The following GPC5 variants were observed in gnomAD, a reference collection of about 807,000 sequenced individuals.
The protein encoded by GPC5 is glypican-5.
A neutral mutation model predicts 53.9 loss-of-function variants in GPC5; 47 were observed. That is an observed-to-expected ratio of 0.87 (90% CI 0.69 to 1.11). GPC5 has a LOEUF of 1.11. Among genes scored for constraint, GPC5 ranks in the 50% most tolerant of loss-of-function variants. The pLI is 0.00. For missense variants in GPC5, 748 were observed against 713.1 expected (o/e 1.05, Z -0.56); for synonymous variants, 286 against 263.3 (o/e 1.09, Z -0.84).
intron 2 of GPC5, among the ~76,000 whole-genome samples, chr13:91,580,195 C>T (rs1010076942): frequency 1.2e-4 from 19 of 152,084 alleles, no homozygotes; most frequent in East Asian, 1.9e-4. Flanking sequence ...GGACTACAGG[C>T]GCCTGCCACC....
chr13:92,362,383 A>T (rs2043575247), intron 7 of GPC5, among the ~76,000 whole-genome samples: 1 of 151,808 alleles, frequency 6.6e-6, no homozygotes, highest in African/African-American at 2.4e-5. Context: ...CTTTTGATAA[A>T]GGGTTAAAAG....
chr13:91,511,355 T>C (rs1349155346), intron 2 of GPC5, among the ~76,000 whole-genome samples: 2 of 152,196 alleles, frequency 1.3e-5, no homozygotes, highest in Admixed American at 6.5e-5. Flanking sequence ...ATATGTCCAT[T>C]ATTTGGCTTC....
In GPC5 at chr13:92,146,876, A is replaced by G. The variant is rs544699383; in HGVS notation, c.1561+1887A>G. 9.2e-5 allele frequency among the ~76,000 whole-genome samples: 14 copies of G among 152,138 alleles called. No individual in the cohort carries two copies. In the South Asian group the frequency reaches 2.1e-3, roughly 22 times the overall value. On this transcript the variant is annotated intron_variant, in intron 7 of 7. Coordinates refer to ENST00000377067, the MANE Select transcript of GPC5 (RefSeq NM_004466.6). ...ATGGCTGAATAGTATTCCATGATAT[A>G]TATATATACCACAGTTTCTTTATCC... is the stretch of plus-strand genomic sequence containing the variant.
rs191646564 is a variant in GPC5, at chr13:92,307,408, C to T, written c.1561+162419C>T. 3.9e-3 allele frequency among the ~76,000 whole-genome samples: 600 copies of T among 152,200 alleles called. 4 individuals are homozygous for T. Among genetic ancestry groups the T allele is most frequent in the African/African-American group, 0.013 (548 of 41,540 alleles). On this transcript the variant is annotated intron_variant, in intron 7 of 7. Coordinates refer to ENST00000377067, the MANE Select transcript of GPC5 (RefSeq NM_004466.6). ...GGCAGAGGTTGCAGTGAGCCGAGAT[C>T]GTGCCATGGCACTCCAGCCTGGGCA...
At chr13:92,216,119 T>G (rs1360388) in intron 7 of GPC5, among the ~76,000 whole-genome samples, 5,932 of 152,276 alleles carry the variant, frequency 0.039, 390 homozygotes, top group African/African-American at 0.13. Context: ...GGGCAGTTCT[T>G]CCAGACCAGT....
At chr13:91,969,628 A>C (rs191284837) in intron 6 of GPC5, among the ~76,000 whole-genome samples, 1 of 152,312 alleles carries the variant, frequency 6.6e-6, no homozygotes, top group Non-Finnish European at 1.5e-5. Context: ...ATATCTAGGG[A>C]CTCTCAATTT....
intron 7 of GPC5, among the ~76,000 whole-genome samples, chr13:92,661,529 A>G (rs557489712): frequency 1.3e-5 from 2 of 152,206 alleles, no homozygotes; most frequent in Admixed American, 6.5e-5. Flanking sequence ...ATATTTTATA[A>G]AAGAATTTTA....
At chr13:92,506,805 T>C (rs1880384853) in intron 7 of GPC5, among the ~76,000 whole-genome samples, 1 of 152,188 alleles carries the variant, frequency 6.6e-6, no homozygotes, top group African/African-American at 2.4e-5. Context: ...TTTATTACCA[T>C]AGCCTGTCGC....
chr13:92,798,574 G>A (rs1026608722), intron 7 of GPC5, among the ~76,000 whole-genome samples: 6 of 151,762 alleles, frequency 4.0e-5, no homozygotes, highest in Non-Finnish European at 5.9e-5. Context: ...AAAATTTCAA[G>A]GCATTCAGAT....
chr13:92,594,382 T>G (rs1178140007), intron 7 of GPC5, among the ~76,000 whole-genome samples: 1 of 152,188 alleles, frequency 6.6e-6, no homozygotes, highest in Admixed American at 6.5e-5. Context: ...AAATGTGCAG[T>G]GCCTTACTGA....
chr13:92,486,126 T>C (rs946115325), intron 7 of GPC5, among the ~76,000 whole-genome samples: 2 of 152,178 alleles, frequency 1.3e-5, no homozygotes, highest in Admixed American at 1.3e-4. Context: ...TTCTGTATTG[T>C]CTCCCTAAAG....
At chr13:92,668,162 A>G (rs1420555263) in intron 7 of GPC5, among the ~76,000 whole-genome samples, 1 of 152,200 alleles carries the variant, frequency 6.6e-6, no homozygotes, top group Non-Finnish European at 1.5e-5. Flanking sequence ...AATATATTTC[A>G]TTATGGAAAA....
At position 91,847,877 on chromosome 13, in the gene GPC5, G is replaced by A. The variant is rs983898460; in HGVS notation, c.1281-60060G>A. Among the ~76,000 whole-genome samples, 3 of 151,984 alleles carry A rather than the reference G, an allele frequency of 2.0e-5. No individual in the cohort carries two copies. The East Asian group carries it at 5.8e-4, about 29-fold the overall frequency. On this transcript the variant is annotated intron_variant, in intron 5 of 7. Coordinates refer to ENST00000377067, the MANE Select transcript of GPC5 (RefSeq NM_004466.6). ...TTTAGTGACCATAAATCTAATTTTT[G>A]AAGAATATTATTTATGGTCTTATAG...
intron 7 of GPC5, among the ~76,000 whole-genome samples, chr13:92,657,685 C>T (rs904861076): frequency 4.2e-5 from 6 of 142,058 alleles, no homozygotes; most frequent in Non-Finnish European, 6.0e-5. Context: ...TCAGTAGCAT[C>T]AACATTAGTA....
intron 7 of GPC5, among the ~76,000 whole-genome samples, chr13:92,766,327 A>G (rs1020811953): frequency 6.6e-6 from 1 of 152,110 alleles, no homozygotes; most frequent in Admixed American, 6.5e-5. Context: ...GATCTTTCAT[A>G]AAAACCAAAC....
intron 7 of GPC5, among the ~76,000 whole-genome samples, chr13:92,407,322 A>G (rs1000996012): frequency 5.9e-5 from 9 of 152,198 alleles, no homozygotes; most frequent in African/African-American, 2.2e-4. Flanking sequence ...TCTTTAAAGG[A>G]AAAGCCAACA....
At chr13:92,643,676 A>G (rs1885668296) in intron 7 of GPC5, among the ~76,000 whole-genome samples, 1 of 146,116 alleles carries the variant, frequency 6.8e-6, no homozygotes, top group South Asian at 2.2e-4. Context: ...GAATTGAACA[A>G]TGAGATCACA....
chr13:91,662,192 G>A (rs182433801), intron 2 of GPC5, among the ~76,000 whole-genome samples: 1 of 152,304 alleles, frequency 6.6e-6, no homozygotes, highest in Admixed American at 6.5e-5. Flanking sequence ...AGCCAAAGAG[G>A]CTGAGAAAAA....
intron 2 of GPC5, among the ~76,000 whole-genome samples, chr13:91,485,497 C>T (rs937570182): frequency 6.6e-6 from 1 of 152,202 alleles, no homozygotes; most frequent in Non-Finnish European, 1.5e-5. Context: ...GGATTACAGG[C>T]GTGAGCCACT....
Sources: gnomAD v4.1 joint callset for allele counts (sites outside exome capture counted in the v4.1 genomes callset) on GRCh38, gnomAD v4.1.1 for gene constraint, MANE v1.5 for transcripts, NCBI Gene and HGNC (gene_info 2026-07-23, HGNC 2026-07-21) for gene names.